Variants in SEMA4F observed in about 807,000 individuals in gnomAD.
SEMA4F encodes the protein semaphorin-4F.
SEMA4F carries 51 observed loss-of-function variants against 78.4 expected under a neutral mutation model. The observed-to-expected ratio is 0.65, with a 90% CI of 0.52 to 0.82. SEMA4F has a LOEUF of 0.82. Ranked by LOEUF, SEMA4F falls within the 40% of genes least tolerant of loss-of-function variation. SEMA4F has a pLI of 0.00. For missense variants in SEMA4F, 938 were observed against 1,014.4 expected (o/e 0.92, Z 1.02); for synonymous variants, 418 against 408.7 (o/e 1.02, Z -0.27).
At chr2:74,689,607 A>G in the SEMA4F span, among the ~76,000 whole-genome samples, 16 of 152,228 alleles carry the variant, frequency 1.1e-4, no homozygotes, top group African/African-American at 2.2e-4. Flanking sequence ...AAAAAAATCA[A>G]TTATTCAACA....
the SEMA4F span, among the ~76,000 whole-genome samples, chr2:74,692,492 AG>A: frequency 6.6e-6 from 1 of 152,176 alleles, no homozygotes; most frequent in African/African-American, 2.4e-5. Context: ...TGGCATTTGG[AG>A]GCTTCAGACT....
chr2:74,700,395 T>G, the SEMA4F span, among the ~76,000 whole-genome samples: 1 of 152,146 alleles, frequency 6.6e-6, no homozygotes, highest in Non-Finnish European at 1.5e-5. Context: ...ATATGTCTCC[T>G]GCCTGACCCT....
At chr2:74,684,741 A>G (rs928882315), downstream of SEMA4F, among the ~76,000 whole-genome samples, 1 of 152,192 alleles carries the variant, frequency 6.6e-6, no homozygotes, top group Non-Finnish European at 1.5e-5. Context: ...AGGCAGGCAG[A>G]TCACTTGAGC....
the SEMA4F span, among the ~76,000 whole-genome samples, chr2:74,692,269 G>T: frequency 1.8e-4 from 28 of 152,164 alleles, no homozygotes; most frequent in African/African-American, 6.8e-4. Context: ...CCTAAGATGA[G>T]GTGGGGAAAG....
In SEMA4F at chr2:74,679,320, C is replaced by T. The variant is rs756439974; in HGVS notation, c.1688C>T (p.Pro563Leu). The T allele has an allele frequency of 2.5e-6, 4 of 1,612,420 alleles. No homozygotes were observed. The highest frequency in any genetic ancestry group is 2.7e-5 in the African/African-American group (2 of 74,858). Residue 563 changes from proline to leucine, a missense_variant, in exon 13 of 14, where the codon CCT becomes CTT. Coordinates refer to ENST00000357877, the MANE Select transcript of SEMA4F (RefSeq NM_004263.5). ...TCAGCAGATGTCTCCTCTTTGTGTC[C>T]TAAAGAGCCTGGAGGTCTGTATGGT... ...IESADVSSLC[P>L]KEPGERPVVF...
intron 5 of SEMA4F, 85 bp downstream of exon 5, chr2:74,662,910 T>C (rs1420281979): frequency 8.3e-7 from 1 of 1,201,198 alleles, no homozygotes; most frequent in African/African-American, 1.5e-5. Context: ...GTGTTCTTTC[T>C]TACCTTGGAA....
chr2:74,688,958 C>G, the SEMA4F span, among the ~76,000 whole-genome samples: 2 of 152,120 alleles, frequency 1.3e-5, no homozygotes, highest in Non-Finnish European at 2.9e-5. Context: ...ATTCTGGAGA[C>G]ACAAAAGTGA....
intron 5 of SEMA4F, among the ~76,000 whole-genome samples, chr2:74,663,727 A>G (rs1045965129): frequency 1.3e-5 from 2 of 152,210 alleles, no homozygotes; most frequent in African/African-American, 4.8e-5. Context: ...CCAGGACAGC[A>G]CCAAGCCATT....
At chr2:74,655,182 C>G in intron 1 of SEMA4F, 1 of 269,592 alleles carries the variant, frequency 3.7e-6, no homozygotes, top group South Asian at 3.8e-5. Context: ...CAGTGTTCCT[C>G]GCTGCCTCTG....
downstream of SEMA4F, among the ~76,000 whole-genome samples, chr2:74,686,958 A>G (rs890039076): frequency 6.6e-6 from 1 of 152,148 alleles, no homozygotes; most frequent in African/African-American, 2.4e-5. Context: ...CAGCAAACCA[A>G]CATGCACCCT....
At chr2:74,654,546 C>T (rs1284780183) in intron 1 of SEMA4F, 25 bp downstream of exon 1, 2 of 1,523,876 alleles carry the variant, frequency 1.3e-6, no homozygotes, top group African/African-American at 2.9e-5. Flanking sequence ...CCCACGCCCT[C>T]AGCCCTTCGC....
rs1353918864 is a variant in SEMA4F at position 74,658,088 on chromosome 2, T to G, written c.456+137T>G. On this transcript the variant is annotated intron_variant, in intron 4 of 13. Transcript: ENST00000357877. The surrounding 1 kb of genome is among the most constrained non-coding windows in gnomAD (Gnocchi z 4.3). ...TGGTCAAGGCAACCATTGTGCATGA[T>G]AAGCATTGGGTGTAGGGGCTGTCCT... 3 of 755,966 alleles carry G rather than the reference T, an allele frequency of 4.0e-6. No individual in the cohort carries two copies. In the Admixed American group the frequency reaches 6.0e-5, roughly 15 times the overall value. The allele number at this position is 755,966 out of a possible 1,614,324, so 46.8% of individuals were successfully genotyped here.
At chr2:74,701,660 A>C in the SEMA4F span, among the ~76,000 whole-genome samples, 1 of 152,212 alleles carries the variant, frequency 6.6e-6, no homozygotes, top group East Asian at 1.9e-4. Context: ...GGTGAGATGC[A>C]TATTGACTGA....
chr2:74,702,365 A>G, the SEMA4F span, among the ~76,000 whole-genome samples: 1 of 151,502 alleles, frequency 6.6e-6, no homozygotes, highest in South Asian at 2.1e-4. Flanking sequence ...TGTTTATGAT[A>G]CAGCTAAAAT....
intron 5 of SEMA4F, among the ~76,000 whole-genome samples, chr2:74,669,412 T>C (rs1684861360): frequency 6.6e-6 from 1 of 151,742 alleles, no homozygotes; most frequent in East Asian, 1.9e-4. Flanking sequence ...AGTGAAACCC[T>C]GTCTCTAATA....
At chr2:74,672,353 T>G (rs1216007786) in intron 5 of SEMA4F, among the ~76,000 whole-genome samples, 2 of 152,202 alleles carry the variant, frequency 1.3e-5, no homozygotes, top group Admixed American at 1.3e-4. Flanking sequence ...TTCCCTCAGG[T>G]AGATATAGCT....
chr2:74,695,336 T>C, the SEMA4F span, among the ~76,000 whole-genome samples: 2 of 152,326 alleles, frequency 1.3e-5, no homozygotes, highest in African/African-American at 4.8e-5. Context: ...TCTCACACAA[T>C]GATCTCCTTT....
chr2:74,675,736 T>C lies in SEMA4F; in HGVS notation c.1483-13T>C, dbSNP rs747399074. ...GATCCAGTGTATTCCCCTTCCCCAC[T>C]CCGTTTTTATAGAGCTGGCTCCTGG... On this transcript the variant is annotated splice_polypyrimidine_tract_variant and intron_variant, in intron 11 of 13. Coordinates refer to ENST00000357877, the MANE Select transcript of SEMA4F (RefSeq NM_004263.5). 3.1e-6 allele frequency: 5 copies of C among 1,613,626 alleles called. No homozygotes were observed. The South Asian group carries it at 5.5e-5, about 18-fold the overall frequency.
At chr2:74,687,445 T>C (rs1685846357), downstream of SEMA4F, among the ~76,000 whole-genome samples, 2 of 152,264 alleles carry the variant, frequency 1.3e-5, no homozygotes, top group Admixed American at 1.3e-4. Context: ...TCTTGTTAGA[T>C]TGCAAACTCC....
Sources: allele counts gnomAD v4.1 joint callset (sites outside exome capture counted in the v4.1 genomes callset), GRCh38; gene constraint gnomAD v4.1.1; non-coding constraint Gnocchi (gnomAD v3.1); transcripts MANE v1.5; gene names NCBI Gene and HGNC (gene_info 2026-07-23, HGNC 2026-07-21).